The following ARID4B variants were observed in gnomAD, a reference collection of about 807,000 sequenced individuals.
The protein encoded by ARID4B is AT-rich interactive domain-containing protein 4B.
ARID4B carries 26 observed loss-of-function variants against 147.5 expected under a neutral mutation model. The ratio of observed to expected loss-of-function variants is 0.18; its 90% CI spans 0.13 to 0.24. The LOEUF is 0.24. Ranked by LOEUF, ARID4B falls within the 10% of genes least tolerant of loss-of-function variation. ARID4B has a pLI of 1.00. For synonymous variants in ARID4B, 512 were observed against 507.9 expected (o/e 1.01, Z -0.11); for missense variants, 1,179 against 1,511.5 (o/e 0.78, Z 3.65).
intron 22 of ARID4B, among the ~76,000 whole-genome samples, chr1:235,173,623 G>A (rs116255098): frequency 0.04 from 5,943 of 146,972 alleles, 446 homozygotes; most frequent in African/African-American, 0.14. Flanking sequence ...TTGGCTGGGT[G>A]TGGTGGCTCA....
chr1:235,189,399 C>CAAAAAAAA (rs11299121), intron 19 of ARID4B, among the ~76,000 whole-genome samples: 5 of 58,918 alleles, frequency 8.5e-5, no homozygotes, highest in Admixed American at 2.7e-4. Flanking sequence ...GACTCAGTCT[C>CAAAAAAAA]AAAAAAAAAA....
intron 7 of ARID4B, 118 bp downstream of exon 7, chr1:235,246,284 TGAAATTACTATTAGATCC>T (rs1397939798): frequency 5.8e-6 from 4 of 692,324 alleles, no homozygotes; most frequent in East Asian, 2.8e-5. Flanking sequence ...CTGAGGAGTC[TGAAATTACTATTAGATCC>T]GAAATTACTA....
At chr1:235,238,153 A>AAAAAGAAAAGAAAAGAAAAG (rs1232349730) in intron 8 of ARID4B, among the ~76,000 whole-genome samples, 61 of 141,676 alleles carry the variant, frequency 4.3e-4, no homozygotes, top group African/African-American at 1.5e-3. Flanking sequence ...CAAAAAAAAA[A>AAAAAGAAAAGAAAAGAAAAG]AAAAGAAAAG....
chr1:235,196,351 T>C (rs1206591939), intron 17 of ARID4B, among the ~76,000 whole-genome samples: 1 of 152,140 alleles, frequency 6.6e-6, no homozygotes, highest in Admixed American at 6.5e-5. Flanking sequence ...GAGAGCATGA[T>C]CTCATGATTC....
rs544388941 is a variant in ARID4B, at chr1:235,188,013, G to GA, written c.2126-5221dup. The stretch of plus-strand genomic sequence containing the variant: ...TTATAAGTTATACCACTAAGTAGGG[G>GA]AAAAAAAGAGTTTGTAATATGTTAA... On this transcript the variant is annotated intron_variant, in intron 19 of 23. Coordinates refer to ENST00000264183, the MANE Select transcript of ARID4B (RefSeq NM_016374.6). Among the ~76,000 whole-genome samples, 292 of 151,578 alleles carry GA rather than the reference G, an allele frequency of 1.9e-3. 2 individuals carry two copies. The Middle Eastern group carries it at 0.027, about 14-fold the overall frequency.
chr1:235,169,092 G>A (rs1663136368), intron 23 of ARID4B, among the ~76,000 whole-genome samples: 1 of 152,194 alleles, frequency 6.6e-6, no homozygotes, highest in African/African-American at 2.4e-5. Flanking sequence ...TGACAAGAGT[G>A]GGAGGCTTAA....
At chr1:235,286,549 C>T (rs963318457) in intron 2 of ARID4B, among the ~76,000 whole-genome samples, 1 of 151,890 alleles carries the variant, frequency 6.6e-6, no homozygotes, top group South Asian at 2.1e-4. Flanking sequence ...GAGAAGGATA[C>T]CTGAAGGATG....
rs1437311759 is a variant in ARID4B, at chr1:235,207,289, G to T, written c.1841+6480C>A. On this transcript the variant is annotated intron_variant, in intron 17 of 23. Transcript: ENST00000264183. ...AAAGTAGGAAAGTGAATGGAAGAAGGACATAGAGAATTAAGGACCCACTTG... is the reference window on the plus strand; with the variant it reads ...AAAGTAGGAAAGTGAATGGAAGAAGTACATAGAGAATTAAGGACCCACTTG... 2.0e-5 allele frequency among the ~76,000 whole-genome samples: 3 copies of T among 152,168 alleles called. No homozygotes were observed. The East Asian group carries it at 5.8e-4, about 29-fold the overall frequency.
chr1:235,189,674 A>G (rs895701064), intron 19 of ARID4B, among the ~76,000 whole-genome samples: 1 of 151,998 alleles, frequency 6.6e-6, no homozygotes, highest in Non-Finnish European at 1.5e-5. Flanking sequence ...AGGCAGGAGG[A>G]CTGCTTGAGC....
At chr1:235,298,932 A>C (rs1326055738) in intron 2 of ARID4B, among the ~76,000 whole-genome samples, 1 of 114,252 alleles carries the variant, frequency 8.8e-6, no homozygotes, top group Non-Finnish European at 1.9e-5. Flanking sequence ...AGCCCAGCAC[A>C]GTGGCATTTC....
At chr1:235,298,406 T>A (rs1405415595) in intron 2 of ARID4B, among the ~76,000 whole-genome samples, 2 of 151,656 alleles carry the variant, frequency 1.3e-5, no homozygotes, top group Non-Finnish European at 2.9e-5. Context: ...TTAGAAAATG[T>A]TATGTTTCAA....
In ARID4B at chr1:235,168,186, G is replaced by C. The variant is rs1319870499; in HGVS notation, c.*339C>G. ...CAAAATACAAGGGAATACATATACA[G>C]TAAGTTATCTTAACATGTTCTGACC... is the stretch of plus-strand genomic sequence containing the variant. On this transcript the variant is annotated 3_prime_UTR_variant, in exon 24 of 24. Transcript: ENST00000264183. 4.2e-6 allele frequency: 1 copy of C among 236,676 alleles called. No individual in the cohort carries two copies. Among genetic ancestry groups the C allele is most frequent in the Non-Finnish European group, 8.3e-6 (1 of 120,582 alleles). The allele number at this position is 236,676 out of a possible 1,614,324, so 14.7% of individuals were successfully genotyped here.
At chr1:235,196,376 C>T (rs181119356) in intron 17 of ARID4B, among the ~76,000 whole-genome samples, 16 of 152,288 alleles carry the variant, frequency 1.1e-4, no homozygotes, top group Admixed American at 9.8e-4. Flanking sequence ...ACTAGCACTG[C>T]TTACTCGGCT....
At chr1:235,239,949 C>T (rs1668879660) in intron 8 of ARID4B, among the ~76,000 whole-genome samples, 1 of 152,104 alleles carries the variant, frequency 6.6e-6, no homozygotes, top group Admixed American at 6.5e-5. Flanking sequence ...CCCTGATTCA[C>T]TAAGTATGAG....
chr1:235,321,060 GCAT>G (rs1203831482), intron 2 of ARID4B, among the ~76,000 whole-genome samples: 1 of 152,094 alleles, frequency 6.6e-6, no homozygotes, highest in Non-Finnish European at 1.5e-5. Flanking sequence ...ATTCACTGCT[GCAT>G]CCTCAAAACC....
chr1:235,319,467 C>T (rs542125128), intron 2 of ARID4B, among the ~76,000 whole-genome samples: 5 of 152,168 alleles, frequency 3.3e-5, no homozygotes, highest in South Asian at 2.1e-4. Flanking sequence ...GCTGTGATTG[C>T]GCCACTACAC....
intron 8 of ARID4B, 144 bp from the exon 9 acceptor site, chr1:235,234,636 G>A: frequency 5.3e-6 from 3 of 566,510 alleles, no homozygotes; most frequent in South Asian, 2.3e-5. Context: ...ACACACACAC[G>A]TGGGAGCACA....
At chr1:235,255,863 T>C (rs185442921) in intron 4 of ARID4B, 113 bp from the exon 5 acceptor site, 20 of 663,856 alleles carry the variant, frequency 3.0e-5, no homozygotes, top group East Asian at 1.8e-4. Context: ...AAAATGACTA[T>C]TGACTTCATT....
intron 2 of ARID4B, among the ~76,000 whole-genome samples, chr1:235,276,659 C>T (rs929234487): frequency 7.1e-6 from 1 of 140,390 alleles, no homozygotes; most frequent in South Asian, 2.1e-4. Flanking sequence ...AAGACCCTGT[C>T]TCTTTAAAAA....
Sources: gnomAD v4.1 joint callset for allele counts (sites outside exome capture counted in the v4.1 genomes callset) on GRCh38, gnomAD v4.1.1 for gene constraint, MANE v1.5 for transcripts, NCBI Gene and HGNC (gene_info 2026-07-23, HGNC 2026-07-21) for gene names.